Variants in RALGAPB observed in about 807,000 individuals in gnomAD.
The protein encoded by RALGAPB is Ral GTPase activating protein non-catalytic subunit beta, also known as ral GTPase-activating protein subunit beta.
A neutral mutation model predicts 161.1 loss-of-function variants in RALGAPB; 25 were observed. The ratio of observed to expected loss-of-function variants is 0.16; its 90% confidence interval spans 0.11 to 0.22. RALGAPB has a LOEUF of 0.22. Among genes scored for constraint, RALGAPB ranks in the 10% least tolerant of loss-of-function variants. The pLI is 1.00. For synonymous variants in RALGAPB, 629 were observed against 626.1 expected, an observed-to-expected ratio of 1.00 and a Z score of -0.07; for missense variants, 1,391 against 1,815.2, an observed-to-expected ratio of 0.77 and a Z score of 4.25.
At chr20:38,509,873 C>T (rs553230491) in intron 6 of RALGAPB, among the ~76,000 whole-genome samples, 7 of 152,264 alleles carry the variant, frequency 4.6e-5, no homozygotes, top group Admixed American at 2.0e-4. Flanking sequence ...CTGAATTACT[C>T]TTTATGACCT....
rs151074682 is a variant in RALGAPB at position 38,475,813 on chromosome 20, C to T, written c.-31+2744C>T. Among the ~76,000 whole-genome samples the T allele has an allele frequency of 2.6e-4, 40 of 152,064 alleles. 1 individual carries two copies. The highest frequency in any genetic ancestry group is 9.6e-4 in the African/African-American group (40 of 41,486). On this transcript the variant is annotated intron_variant, in intron 1 of 29. Transcript: ENST00000262879. ...TGTATTTTTAGTTGAGAGGGGGTTT[C>T]GCCATGTTGGCCAGGTTCATGTCGA... is the stretch of plus-strand genomic sequence containing the variant.
At chr20:38,521,451 C>T (rs771699743) in intron 9 of RALGAPB, 46 bp from the exon 10 acceptor site, 17 of 1,610,330 alleles carry the variant, frequency 1.1e-5, no homozygotes, top group Middle Eastern at 1.7e-4. Flanking sequence ...CATGAGCCTA[C>T]GTGGCATATT....
chr20:38,550,220 A>G (rs1478067477), intron 20 of RALGAPB, among the ~76,000 whole-genome samples: 1 of 152,200 alleles, frequency 6.6e-6, no homozygotes, highest in East Asian at 1.9e-4. Context: ...GGTGCAGCGC[A>G]CCAGCATGTC....
chr20:38,501,207 T>C (rs1370705380), intron 5 of RALGAPB, among the ~76,000 whole-genome samples: 1 of 152,218 alleles, frequency 6.6e-6, no homozygotes, highest in East Asian at 1.9e-4. Context: ...GAGAAGTCAG[T>C]GCCTGGCAAG....
intron 6 of RALGAPB, among the ~76,000 whole-genome samples, chr20:38,512,701 A>G (rs562132043): frequency 1.3e-5 from 2 of 152,218 alleles, no homozygotes; most frequent in African/African-American, 2.4e-5. Context: ...TTGGTTGTTG[A>G]TATTAGATGT....
chr20:38,505,469 G>A (rs1368722071), intron 5 of RALGAPB, among the ~76,000 whole-genome samples: 1 of 152,028 alleles, frequency 6.6e-6, no homozygotes, highest in Non-Finnish European at 1.5e-5. Flanking sequence ...CCAGATGATG[G>A]GATCATTTGT....
rs781098368 is a variant in RALGAPB, at chr20:38,567,184, A to T, written c.3906A>T (p.Thr1302=). Residue 1302 remains threonine (T), a synonymous_variant, in exon 26 of 30, where the codon ACA becomes ACT. Transcript: ENST00000262879. ...GAATTCTGAAACAGCCATCCCTGAC[A>T]CTTGAGCTTTTCCCCAATCATACAG... ...MPGILKQPSL[T]LELFPNHTDN... is the part of the protein sequence containing the mutation. The T allele has an allele frequency of 1.2e-6, 2 of 1,613,738 alleles. No individual in the cohort carries two copies. The highest frequency in any genetic ancestry group is 1.7e-6 in the Non-Finnish European group (2 of 1,179,738).
rs1047508407 is a variant in RALGAPB, at chr20:38,549,918, G to T, written c.3009+1123G>T. On this transcript the variant is annotated intron_variant, in intron 20 of 29. Coordinates refer to ENST00000262879, the MANE Select transcript of RALGAPB (RefSeq NM_020336.4). ...TAAAATGTCCAACAATGATAGACTG[G>T]ATTAAGAAAATGTGGCACATATACA... Among the ~76,000 whole-genome samples the T allele has an allele frequency of 1.9e-4, 29 of 152,098 alleles. 1 individual carries two copies. The highest frequency in any genetic ancestry group is 6.8e-4 in the African/African-American group (28 of 41,412).
rs1261942528 is a variant in RALGAPB, at chr20:38,570,797, A to G, written c.4092A>G (p.Thr1364=). The part of the protein sequence containing the change: ...IENFPLSELM[T]EISTGVETTA... ...ACTTTCCCCTCTCAGAGCTGATGAC[A>G]GAGATCAGTACTGGTGTGGAAACTA... Residue 1364 remains threonine (T), a synonymous_variant, in exon 28 of 30, where the codon ACA becomes ACG. Transcript: ENST00000262879. The G allele has an allele frequency of 6.3e-7, 1 of 1,595,166 alleles. No homozygotes were observed. Among genetic ancestry groups the G allele is most frequent in the African/African-American group, 1.3e-5 (1 of 74,470 alleles).
intron 16 of RALGAPB, among the ~76,000 whole-genome samples, chr20:38,536,856 C>A (rs768649521): frequency 8.5e-5 from 13 of 152,170 alleles, no homozygotes; most frequent in Non-Finnish European, 1.5e-4. Flanking sequence ...TTCTTACCAC[C>A]ACTTAGAGCT....
intron 9 of RALGAPB, chr20:38,520,133 A>G: frequency 3.6e-6 from 1 of 274,154 alleles, no homozygotes; most frequent in Non-Finnish European, 5.6e-6. Flanking sequence ...TAACTTTTAA[A>G]AAGCTAAAAA....
chr20:38,499,571 C>T lies in RALGAPB; in HGVS notation c.678C>T (p.Asn226=), dbSNP rs753715898. Residue 226 remains asparagine, a synonymous_variant, in exon 5 of 30, where the codon AAC becomes AAT. Coordinates refer to ENST00000262879, the MANE Select transcript of RALGAPB (RefSeq NM_020336.4). ...YWKTAKEMVA[N]WRHHPAVVEQ... ...AAACAGCCAAGGAGATGGTGGCTAA[C>T]TGGAGGCATCACCCAGCAGTGGTGG... The T allele has an allele frequency of 6.2e-7, 1 of 1,614,014 alleles. No homozygotes were observed. The highest frequency in any genetic ancestry group is 1.7e-5 in the Admixed American group (1 of 60,012).
At chr20:38,487,397 A>G (rs2085148518) in intron 1 of RALGAPB, among the ~76,000 whole-genome samples, 1 of 152,244 alleles carries the variant, frequency 6.6e-6, no homozygotes, top group Non-Finnish European at 1.5e-5. Flanking sequence ...AGAGAAGACA[A>G]TAAAGTTTTG....
intron 17 of RALGAPB, 136 bp from the exon 18 acceptor site, chr20:38,540,905 A>G: frequency 1.2e-6 from 1 of 817,492 alleles, no homozygotes; most frequent in South Asian, 2.0e-5. Flanking sequence ...AAGTTAATAT[A>G]TATCCATTAA....
At chr20:38,566,604 A>C (rs929396963) in intron 25 of RALGAPB, among the ~76,000 whole-genome samples, 1 of 152,172 alleles carries the variant, frequency 6.6e-6, no homozygotes, top group Non-Finnish European at 1.5e-5. Context: ...CTTTCTGTGT[A>C]CTTATCTCCA....
rs6100055 is a variant in RALGAPB at position 38,521,530 on chromosome 20, G to A, written c.1451G>A (p.Arg484Gln). Residue 484 changes from arginine (R) to glutamine (Q), a missense_variant, in exon 10 of 30, where the codon CGG becomes CAG. Coordinates refer to ENST00000262879, the MANE Select transcript of RALGAPB (RefSeq NM_020336.4). ...ITTQASMEFR[R>Q]KGSQMSTDTM... ...ACACAAGCTAGCATGGAGTTTCGAC[G>A]GAAAGGGTCACAAATGTCCACAGAC... is the stretch of plus-strand genomic sequence containing the variant. 9.3e-6 allele frequency: 15 copies of A among 1,614,026 alleles called. No individual in the cohort carries two copies. Among genetic ancestry groups the A allele is most frequent in the East Asian group, 2.2e-5 (1 of 44,870 alleles).
intron 5 of RALGAPB, among the ~76,000 whole-genome samples, chr20:38,501,559 T>C (rs554292885): frequency 2.0e-5 from 3 of 152,264 alleles, no homozygotes; most frequent in South Asian, 4.1e-4. Flanking sequence ...TGTGCCAACA[T>C]GTCCTGCTAG....
chr20:38,560,889 A>C (rs1445493529), intron 23 of RALGAPB, among the ~76,000 whole-genome samples: 1 of 152,234 alleles, frequency 6.6e-6, no homozygotes, highest in East Asian at 1.9e-4. Flanking sequence ...TCTTGACTAA[A>C]TTTTCAAAAA....
Position 38,525,648 on chromosome 20 carries a change from T to A in RALGAPB, c.1902+130T>A. ...ATTCAAGTTATTTCATCAAGTTATT[T>A]CAAGTGAATTAACAAAGTTGACTTG... On this transcript the variant is annotated intron_variant, in intron 12 of 29. Transcript: ENST00000262879. 7 of 865,610 alleles carry A rather than the reference T, an allele frequency of 8.1e-6. No individual in the cohort carries two copies. In the South Asian group the frequency reaches 1.2e-4, roughly 15 times the overall value. 53.6% of individuals were successfully genotyped at this position (865,610 alleles called of 1,614,324 possible). A position where few individuals can be genotyped will look rare whatever the true frequency, so the allele number is the denominator to read the frequency against.
Sources: gnomAD v4.1 joint callset for allele counts (sites outside exome capture counted in the v4.1 genomes callset) on GRCh38, gnomAD v4.1.1 for gene constraint, MANE v1.5 for transcripts, NCBI Gene and HGNC (gene_info 2026-07-23, HGNC 2026-07-21) for gene names.